Variants in TRIM37 observed in about 807,000 individuals in gnomAD.
TRIM37 encodes the protein tripartite motif containing 37.
A neutral mutation model predicts 129.8 loss-of-function variants in TRIM37; 80 were observed. The ratio of observed to expected loss-of-function variants is 0.62; its 90% confidence interval spans 0.51 to 0.74. TRIM37 has a LOEUF of 0.74. TRIM37 is among the 30% of genes least tolerant of loss of function. TRIM37 has a pLI of 0.00. For synonymous variants in TRIM37, 389 were observed against 387.1 expected (o/e 1.00, Z -0.06); for missense variants, 1,054 against 1,176.5 (o/e 0.90, Z 1.52).
intron 12 of TRIM37, among the ~76,000 whole-genome samples, chr17:59,057,661 T>C (rs1230166025): frequency 1.3e-5 from 2 of 152,158 alleles, no homozygotes; most frequent in African/African-American, 4.8e-5. Flanking sequence ...TAGCTGAGAT[T>C]ACAAGTGCAC....
chr17:59,073,370 C>T (rs1052240232), intron 8 of TRIM37, among the ~76,000 whole-genome samples: 27 of 152,002 alleles, frequency 1.8e-4, no homozygotes, highest in Non-Finnish European at 2.9e-4. Context: ...CTCGGCTCAC[C>T]GCAGCCTCTG....
chr17:59,001,471 AAGT>A lies in TRIM37; in HGVS notation c.2812+124_2812+126del, dbSNP rs370721567. ...ACAATAATTAAAAAAAAAAAAAAAG[AAGT>A]AGAAGCAGAAGAAGCAAAAGCAGTA... On this transcript the variant is annotated intron_variant, in intron 23 of 23. Transcript: ENST00000262294. The A allele has an allele frequency of 5.2e-4, 569 of 1,104,236 alleles. 4 individuals are homozygous for A. In the African/African-American group the frequency reaches 7.8e-3, roughly 15 times the overall value. The allele number at this position is 1,104,236 out of a possible 1,614,324, so 68.4% of individuals were successfully genotyped here. A position where few individuals can be genotyped will look rare whatever the true frequency, so the allele number is the denominator to read the frequency against.
At chr17:59,061,915 G>C (rs2041527052) in intron 11 of TRIM37, among the ~76,000 whole-genome samples, 2 of 151,728 alleles carry the variant, frequency 1.3e-5, no homozygotes, top group South Asian at 4.2e-4. Context: ...TTTGAGGTTC[G>C]ACATGATAAT....
At chr17:58,999,665 A>C (rs919511081) in intron 23 of TRIM37, among the ~76,000 whole-genome samples, 1 of 152,194 alleles carries the variant, frequency 6.6e-6, no homozygotes, top group African/African-American at 2.4e-5. Context: ...AAGGAGAAAA[A>C]AACAAAATGT....
chr17:58,978,985 C>G (rs2031198396), downstream of TRIM37, among the ~76,000 whole-genome samples: 1 of 152,174 alleles, frequency 6.6e-6, no homozygotes, highest in South Asian at 2.1e-4. Flanking sequence ...TACTCCCTAA[C>G]AGTTGCCTCT....
At position 58,999,365 on chromosome 17, in the gene TRIM37, T is replaced by C. The variant is rs757825432; in HGVS notation, c.*12A>G. The stretch of plus-strand genomic sequence containing the variant: ...CAAGGTAGCTTGCAAGTCAGTTCTC[T>C]TGATTTGGCAATTACCTTCCACTAT... On this transcript the variant is annotated 3_prime_UTR_variant, in exon 24 of 24. Coordinates refer to ENST00000262294, the MANE Select transcript of TRIM37 (RefSeq NM_015294.6). 2.5e-6 allele frequency: 4 copies of C among 1,613,816 alleles called. No homozygotes were observed. In the African/African-American group the frequency reaches 4.0e-5, roughly 16 times the overall value.
intron 22 of TRIM37, among the ~76,000 whole-genome samples, chr17:59,007,200 C>T (rs2144730933): frequency 1.2e-5 from 1 of 83,026 alleles, no homozygotes; most frequent in Non-Finnish European, 2.2e-5. Flanking sequence ...CACACACACA[C>T]ACACACTAAA....
chr17:59,066,450 A>G (rs1029280814), intron 9 of TRIM37, among the ~76,000 whole-genome samples: 12 of 152,172 alleles, frequency 7.9e-5, no homozygotes, highest in Non-Finnish European at 1.5e-4. Context: ...CCAGACTATC[A>G]TTATCATATT....
intron 8 of TRIM37, 39 bp from the exon 9 acceptor site, chr17:59,070,986 C>T (rs746150916): frequency 1.2e-6 from 2 of 1,610,210 alleles, no homozygotes; most frequent in Non-Finnish European, 1.7e-6. Flanking sequence ...AACAAAATTA[C>T]TATTCACTGC....
intron 10 of TRIM37, 48 bp downstream of exon 10, chr17:59,064,307 T>C (rs2041749171): frequency 7.0e-7 from 1 of 1,424,012 alleles, no homozygotes; most frequent in Non-Finnish European, 9.7e-7. Flanking sequence ...TTTCTGGCTC[T>C]TCCTTATATA....
chr17:59,077,274 T>C (rs897003454), intron 7 of TRIM37, among the ~76,000 whole-genome samples: 1 of 151,498 alleles, frequency 6.6e-6, no homozygotes, highest in Non-Finnish European at 1.5e-5. Flanking sequence ...TTTCTTTTTT[T>C]TTTTTTTTTG....
chr17:59,045,332 T>TA (rs564631461), intron 16 of TRIM37, among the ~76,000 whole-genome samples: 13 of 124,904 alleles, frequency 1.0e-4, no homozygotes, highest in African/African-American at 1.5e-4. Flanking sequence ...CCGTTTCAAA[T>TA]AAAAAAAAAA....
chr17:59,070,515 G>A (rs1176094006), intron 9 of TRIM37, among the ~76,000 whole-genome samples: 1 of 152,076 alleles, frequency 6.6e-6, no homozygotes, highest in Admixed American at 6.6e-5. Flanking sequence ...AGACTTTTCA[G>A]GAGAACTAGA....
chr17:59,016,862 G>C (rs993782718), intron 20 of TRIM37, among the ~76,000 whole-genome samples: 2 of 151,974 alleles, frequency 1.3e-5, no homozygotes, highest in African/African-American at 4.8e-5. Flanking sequence ...TTTGTTAAGG[G>C]TCTGTTCTGT....
At chr17:59,002,393 C>G (rs1704384321) in intron 22 of TRIM37, among the ~76,000 whole-genome samples, 1 of 152,022 alleles carries the variant, frequency 6.6e-6, no homozygotes, top group African/African-American at 2.4e-5. Context: ...TGACACCATG[C>G]CCTGCTAATT....
downstream of TRIM37, chr17:58,981,118 T>C (rs1322218599): frequency 1.4e-5 from 13 of 922,634 alleles, no homozygotes; most frequent in Non-Finnish European, 2.0e-5. Flanking sequence ...CTAAAACATA[T>C]GTGCTTCATT....
At chr17:59,016,107 A>G (rs1433748953) in intron 20 of TRIM37, among the ~76,000 whole-genome samples, 1 of 152,210 alleles carries the variant, frequency 6.6e-6, no homozygotes, top group East Asian at 1.9e-4. Context: ...AAAACTTCAA[A>G]AATAGGCCAG....
chr17:59,070,694 AGT>A, intron 9 of TRIM37, 127 bp downstream of exon 9: 1 of 1,060,864 alleles, frequency 9.4e-7, no homozygotes, highest in South Asian at 1.5e-5. Flanking sequence ...CTGGGCAACA[AGT>A]GAGACCCTAT....
At position 59,056,179 on chromosome 17, in the gene TRIM37, T is replaced by A. The variant is rs540538028; in HGVS notation, c.1199+696A>T. Among the ~76,000 whole-genome samples the A allele has an allele frequency of 1.4e-3, 216 of 152,084 alleles. 1 individual carries two copies. The highest frequency in any genetic ancestry group is 4.0e-3 in the Admixed American group (61 of 15,272). On this transcript the variant is annotated intron_variant, in intron 13 of 23. Coordinates refer to ENST00000262294, the MANE Select transcript of TRIM37 (RefSeq NM_015294.6). ...ACAAATGGAACATTACTATACTTACTGGAAGTTGTAGTTTCCCACCCACCC... is the reference window on the plus strand; with the variant it reads ...ACAAATGGAACATTACTATACTTACAGGAAGTTGTAGTTTCCCACCCACCC...
Sources: gnomAD v4.1 joint callset for allele counts (sites outside exome capture counted in the v4.1 genomes callset) on GRCh38, gnomAD v4.1.1 for gene constraint, MANE v1.5 for transcripts, NCBI Gene and HGNC (gene_info 2026-07-23, HGNC 2026-07-21) for gene names.